ERAL1: variants seen among roughly 807,000 people sequenced by gnomAD.
ERAL1 encodes the protein GTPase Era, mitochondrial.
In ERAL1, 36 loss-of-function variants were observed where a neutral mutation model predicts 53.6. The ratio of observed to expected loss-of-function variants is 0.67; its 90% CI spans 0.51 to 0.89. ERAL1 has a LOEUF of 0.89. ERAL1 is among the 40% of genes least tolerant of loss of function. The pLI is 0.00. For synonymous variants in ERAL1, 215 were observed against 211.8 expected, an observed-to-expected ratio of 1.02 and a Z score of -0.13; for missense variants, 512 against 537.5, an observed-to-expected ratio of 0.95 and a Z score of 0.47.
In ERAL1 at chr17:28,855,052, G is replaced by A. The variant is rs375224542; in HGVS notation, c.18G>A (p.Trp6Ter). The change falls in exon 1 of 10, where the codon TGG becomes TGA. Residue 6 changes from tryptophan to a stop codon, truncating the protein, a stop_gained. Transcript: ENST00000254928. LOFTEE classifies it high-confidence loss of function. ...CGGCTGTAATGGCTGCCCCCAGCTG[G>A]CGCGGGGCTAGGCTTGTTCAATCGG... MAAPS[W>*]RGARLVQSVL... is the part of the protein sequence containing the mutation. 1.3e-6 allele frequency: 2 copies of A among 1,596,098 alleles called. No homozygotes were observed. Among genetic ancestry groups the A allele is most frequent in the African/African-American group, 2.7e-5 (2 of 74,468 alleles).
At position 28,858,087 on chromosome 17, in the gene ERAL1, C is replaced by G; in HGVS notation, c.537-59C>G. 3.1e-6 allele frequency: 5 copies of G among 1,612,794 alleles called. No individual in the cohort carries two copies. The South Asian group carries it at 5.5e-5, about 18-fold the overall frequency. On this transcript the variant is annotated intron_variant, in intron 4 of 9. Transcript: ENST00000254928. ...AAAACCCCTTTACCATACCACATCC[C>G]TCATCAGAAATGCCTTAGTCATAAG... is the stretch of plus-strand genomic sequence containing the variant.
Position 28,858,716 on chromosome 17 carries a change from G to A in ERAL1, c.852G>A (p.Lys284=). 6.2e-7 allele frequency: 1 copy of A among 1,614,184 alleles called. No homozygotes were observed. Among genetic ancestry groups the A allele is most frequent in the South Asian group, 1.1e-5 (1 of 91,084 alleles). Residue 284 remains lysine (K), a synonymous_variant, in exon 7 of 10, where the codon AAG becomes AAA. Transcript: ENST00000254928. Reference sequence around the variant, plus strand: ...CCCATTGCCCCAGCCCAGCAGTTAAGGACCCAAACACACAATCTGTGGGAA... The same window carrying A: ...CCCATTGCCCCAGCCCAGCAGTTAAAGACCCAAACACACAATCTGTGGGAA... ...PGTHCPSPAV[K]DPNTQSVGNP... is the part of the protein sequence containing the mutation.
chr17:28,855,579 G>A (rs1433122400), intron 1 of ERAL1, among the ~76,000 whole-genome samples: 1 of 152,160 alleles, frequency 6.6e-6, no homozygotes, highest in Admixed American at 6.6e-5. Flanking sequence ...GACATGGGAA[G>A]CAAATTTGAT....
chr17:28,858,279 G>A (rs1016443034), intron 5 of ERAL1, 72 bp downstream of exon 5: 3 of 1,608,896 alleles, frequency 1.9e-6, no homozygotes, highest in African/African-American at 1.3e-5. Context: ...GTAGTTTGGG[G>A]GGCAAAAGCC....
intron 9 of ERAL1, 124 bp downstream of exon 9, chr17:28,859,407 T>C (rs1158910276): frequency 2.1e-6 from 2 of 935,864 alleles, no homozygotes; most frequent in East Asian, 5.3e-5. Context: ...TTTCTTTTTT[T>C]TGAGACAGTC....
rs2039273068 is a variant in ERAL1 at position 28,858,807 on chromosome 17, G to A, written c.943G>A (p.Asp315Asn). 6.2e-7 allele frequency: 1 copy of A among 1,614,056 alleles called. No individual in the cohort carries two copies. The highest frequency in any genetic ancestry group is 8.5e-7 in the Non-Finnish European group (1 of 1,180,018). ...IFMLSALSQEDVKTLKQYLLT... is the reference protein window; with the variant it reads ...IFMLSALSQENVKTLKQYLLT... ...CATGTTGTCAGCCCTAAGCCAGGAG[G>A]ACGTGAAAACACTAAAGGTCAGTTA... Residue 315 changes from aspartate to asparagine, a missense_variant, in exon 7 of 10, where the codon GAC (aspartate) becomes AAC (asparagine). Coordinates refer to ENST00000254928, the MANE Select transcript of ERAL1 (RefSeq NM_005702.4).
At chr17:28,856,982 A>ATTACAGGTG (rs1225314622) in intron 3 of ERAL1, among the ~76,000 whole-genome samples, 1 of 151,774 alleles carries the variant, frequency 6.6e-6, no homozygotes, top group African/African-American at 2.4e-5. Flanking sequence ...AAGTGCTGGG[A>ATTACAGGTG]TTACAGGTGT....
rs1295304517 is a variant in ERAL1, at chr17:28,858,593, G to T, written c.729G>T (p.Gln243His). The change falls in exon 7 of 10, where the codon CAG becomes CAT. Residue 243 changes from glutamine (Q) to histidine (H), a missense_variant. Gln to His is a conservative substitution (Grantham distance 24). Transcript: ENST00000254928. ...ATGTCCAGGTAGATTGTTTGAAGCA[G>T]AAGTCAGTTCTCCTGGAGCTCACGG... Reference protein sequence around the residue: ...LVMNKVDCLKQKSVLLELTAA... With the variant: ...LVMNKVDCLKHKSVLLELTAA... The T allele has an allele frequency of 6.2e-7, 1 of 1,614,186 alleles. No individual in the cohort carries two copies. Among genetic ancestry groups the T allele is most frequent in the South Asian group, 1.1e-5 (1 of 91,084 alleles).
chr17:28,860,290 T>C, intron 9 of ERAL1, 141 bp from the exon 10 acceptor site: 2 of 932,672 alleles, frequency 2.1e-6, no homozygotes, highest in Non-Finnish European at 3.1e-6. Flanking sequence ...CTCTCTTTTT[T>C]TTAAAGAGGG....
chr17:28,856,479 C>G (rs921417531), intron 2 of ERAL1, 26 bp from the exon 3 acceptor site: 43 of 1,613,500 alleles, frequency 2.7e-5, no homozygotes, highest in Non-Finnish European at 3.6e-5. Flanking sequence ...TCTGGGACCT[C>G]ACTGAGACTC....
chr17:28,856,580 G>A lies in ERAL1; in HGVS notation c.487G>A (p.Val163Met). ...GGTCATCACAGAGAAGGAGACCCAGGTGGTGGGTACCTACAAAGGGAGTCC... is the reference window on the plus strand; with the variant it reads ...GGTCATCACAGAGAAGGAGACCCAGATGGTGGGTACCTACAAAGGGAGTCC... Reference protein sequence around the residue: ...LGVITEKETQVILLDTPGIIS... With the variant: ...LGVITEKETQMILLDTPGIIS... The change falls in exon 3 of 10, where the codon GTG becomes ATG. Residue 163 changes from valine to methionine, a missense_variant and splice_region_variant. Coordinates refer to ENST00000254928, the MANE Select transcript of ERAL1 (RefSeq NM_005702.4). 6.2e-7 allele frequency: 1 copy of A among 1,614,038 alleles called. No homozygotes were observed. Among genetic ancestry groups the A allele is most frequent in the Non-Finnish European group, 8.5e-7 (1 of 1,179,914 alleles).
chr17:28,859,825 T>C (rs540826603), intron 9 of ERAL1, among the ~76,000 whole-genome samples: 1 of 151,992 alleles, frequency 6.6e-6, no homozygotes, highest in Admixed American at 6.6e-5. Context: ...TATCCGCTAA[T>C]TTAAAAAAAT....
intron 8 of ERAL1, 41 bp downstream of exon 8, chr17:28,859,154 C>T (rs760317438): frequency 6.2e-7 from 1 of 1,614,166 alleles, no homozygotes; most frequent in Admixed American, 1.7e-5. Context: ...ATCAGACACA[C>T]ACCTCTACCC....
At chr17:28,858,229 TTAAGCCC>T in intron 5 of ERAL1, 22 bp downstream of exon 5, 1 of 1,613,558 alleles carries the variant, frequency 6.2e-7, no homozygotes, top group Non-Finnish European at 8.5e-7. Flanking sequence ...GATGGGAACC[TTAAGCCC>T]AGTTTACAGG....
At chr17:28,858,551 C>T (rs2039268988) in intron 6 of ERAL1, 25 bp from the exon 7 acceptor site, 1 of 1,614,126 alleles carries the variant, frequency 6.2e-7, no homozygotes, top group Non-Finnish European at 8.5e-7. Context: ...TGACCACACA[C>T]CCTTTGCCCA....
In ERAL1 at chr17:28,855,197, C is replaced by G. The variant is rs557982939; in HGVS notation, c.163C>G (p.Pro55Ala). ...CGTCGCGGGGTCCGCTTTCTCTGGT[C>G]CCCGCTTGGCCTCGGCTTCTCGCAG... ...SCVAGSAFSG[P>A]RLASASRSNG... Residue 55 changes from proline (P) to alanine (A), a missense_variant, in exon 1 of 10, where the codon CCC (proline) becomes GCC (alanine). Transcript: ENST00000254928. 6.2e-7 allele frequency: 1 copy of G among 1,614,214 alleles called. No individual in the cohort carries two copies. Among genetic ancestry groups the G allele is most frequent in the Non-Finnish European group, 8.5e-7 (1 of 1,180,026 alleles).
Position 28,858,950 on chromosome 17 carries a change from C to T in ERAL1, c.961-14C>T, listed in dbSNP as rs756138225. ...TGGGATTAAGATGCCCATCTATTCC[C>T]TCTGTTCCCACAGCAATACCTTCTG... On this transcript the variant is annotated splice_polypyrimidine_tract_variant and intron_variant, in intron 7 of 9. Transcript: ENST00000254928. The T allele has an allele frequency of 1.9e-6, 3 of 1,613,794 alleles. No homozygotes were observed. The highest frequency in any genetic ancestry group is 2.2e-5 in the South Asian group (2 of 91,012).
Position 28,860,845 on chromosome 17 carries a change from C to G in ERAL1, c.*292C>G, listed in dbSNP as rs1433701900. The G allele has an allele frequency of 7.4e-5, 16 of 215,944 alleles. 2 individuals are homozygous for G. The South Asian group carries it at 1.4e-3, about 19-fold the overall frequency. 13.4% of individuals were successfully genotyped at this position (215,944 alleles called of 1,614,324 possible). On this transcript the variant is annotated 3_prime_UTR_variant, in exon 10 of 10. Transcript: ENST00000254928. ...TGGTGGGAGCAATGTCACCCTGCCT[C>G]CAGCTAGCTATGGGCCCAGAGTTTC...
In ERAL1 at chr17:28,855,344, G is replaced by A. The variant is rs199838908; in HGVS notation, c.283+27G>A. ...TAAAGCGCCCTGATAGGTTTGCTCG[G>A]AACTGTCATGTTTTTAGTATTGAAA... On this transcript the variant is annotated intron_variant, in intron 1 of 9. Transcript: ENST00000254928. 3,733 of 1,537,050 alleles carry A rather than the reference G, an allele frequency of 2.4e-3. 13 individuals are homozygous for A. Among genetic ancestry groups the A allele is most frequent in the Middle Eastern group, 9.8e-3 (56 of 5,716 alleles).
Sources: allele counts gnomAD v4.1 joint callset (sites outside exome capture counted in the v4.1 genomes callset), GRCh38; gene constraint gnomAD v4.1.1; transcripts MANE v1.5; gene names NCBI Gene and HGNC (gene_info 2026-07-23, HGNC 2026-07-21).